Variants in KIF18B observed in about 807,000 individuals in gnomAD.
KIF18B encodes the protein kinesin family member 18B.
Under a neutral mutation model 80.9 loss-of-function variants are expected in KIF18B, and 49 were observed. That is an observed-to-expected ratio of 0.61 (90% CI 0.48 to 0.77). The LOEUF (loss-of-function observed/expected upper bound fraction) is 0.77. KIF18B is among the 30% of genes least tolerant of loss of function. The pLI is 0.00. For synonymous variants in KIF18B, 439 were observed against 463.9 expected, an observed-to-expected ratio of 0.95 and a Z score of 0.69; for missense variants, 994 against 1,127.7, an observed-to-expected ratio of 0.88 and a Z score of 1.70.
chr17:44,926,487 G>C lies in KIF18B; in HGVS notation c.2379C>G (p.Ser793=), dbSNP rs1279077314. 6.3e-7 allele frequency: 1 copy of C among 1,587,148 alleles called. No individual in the cohort carries two copies. Among genetic ancestry groups the C allele is most frequent in the Middle Eastern group, 1.7e-4 (1 of 6,000 alleles). The part of the protein sequence containing the change: ...KKKRVASSSV[S]HGRSRIARLP... ...GGCGGGCGATGCGGCTGCGGCCATG[G>C]GAGACTGAGGAACTGAGGGAGGAAA... is the stretch of plus-strand genomic sequence containing the variant. Residue 793 remains serine (S), a synonymous_variant, in exon 15 of 16, where the codon TCC becomes TCG. Coordinates refer to ENST00000593135, the MANE Select transcript of KIF18B (RefSeq NM_001265577.2).
At chr17:44,937,406 G>C (rs550367907) in intron 1 of KIF18B, among the ~76,000 whole-genome samples, 1 of 152,114 alleles carries the variant, frequency 6.6e-6, no homozygotes, top group South Asian at 2.1e-4. Context: ...TTTTTGTTCA[G>C]ATATTTTTTA....
intron 1 of KIF18B, among the ~76,000 whole-genome samples, chr17:44,945,578 T>A (rs1016596176): frequency 6.6e-6 from 1 of 152,188 alleles, no homozygotes; most frequent in African/African-American, 2.4e-5. Context: ...ATTACAATTA[T>A]GATTTCCTAT....
chr17:44,938,984 C>T lies in KIF18B; in HGVS notation c.-14-2626G>A, dbSNP rs144026894. On this transcript the variant is annotated intron_variant, in intron 1 of 15. Coordinates refer to ENST00000593135, the MANE Select transcript of KIF18B (RefSeq NM_001265577.2). ...GCTTGAACCTGGGAGGTAGAGGTTG[C>T]GGTGAGCTGAGATCGTACCACTGCA... Among the ~76,000 whole-genome samples, 719 of 151,020 alleles carry T rather than the reference C, an allele frequency of 4.8e-3. 6 individuals carry two copies. The highest frequency in any genetic ancestry group is 0.017 in the African/African-American group (685 of 41,030).
In KIF18B at chr17:44,927,797, A is replaced by G. The variant is rs2052060017; in HGVS notation, c.2276+229T>C. Among the ~76,000 whole-genome samples the G allele has an allele frequency of 6.6e-6, 1 of 152,214 alleles. No homozygotes were observed. Among genetic ancestry groups the G allele is most frequent in the Non-Finnish European group, 1.5e-5 (1 of 68,024 alleles). ...TCATGAGCATGCTACAAACCAGCAC[A>G]GAGTGGGTGGCTTTGCAGCATGGAC... On this transcript the variant is annotated intron_variant, in intron 13 of 15. Transcript: ENST00000593135. The surrounding 1 kb of genome is among the most constrained non-coding windows in gnomAD (Gnocchi z 4.1).
rs978973054 is a variant in KIF18B, at chr17:44,927,603, G to A, written c.2276+423C>T. On this transcript the variant is annotated intron_variant, in intron 13 of 15. Coordinates refer to ENST00000593135, the MANE Select transcript of KIF18B (RefSeq NM_001265577.2). The surrounding 1 kb of genome is among the most constrained non-coding windows in gnomAD (Gnocchi z 4.1). ...CCTTTCCTGTTCCAGATGCTGGGCCGGAGGCCAAAATCTGGAGTAGAAGTG... is the reference window on the plus strand; with the variant it reads ...CCTTTCCTGTTCCAGATGCTGGGCCAGAGGCCAAAATCTGGAGTAGAAGTG... Among the ~76,000 whole-genome samples the A allele has an allele frequency of 2.0e-5, 3 of 152,240 alleles. No individual in the cohort carries two copies. The highest frequency in any genetic ancestry group is 7.2e-5 in the African/African-American group (3 of 41,474).
chr17:44,947,253 T>C (rs1320091556), intron 1 of KIF18B, among the ~76,000 whole-genome samples: 1 of 151,494 alleles, frequency 6.6e-6, no homozygotes, highest in Non-Finnish European at 1.5e-5. Context: ...CCCAGGCCTT[T>C]AGTTGTAGCG....
intron 1 of KIF18B, among the ~76,000 whole-genome samples, chr17:44,936,876 T>C (rs1391698524): frequency 3.3e-5 from 5 of 151,222 alleles, no homozygotes; most frequent in African/African-American, 1.2e-4. Flanking sequence ...ACTCCTGACC[T>C]CATGATTCGC....
At chr17:44,932,644 T>C (rs777484757) in intron 9 of KIF18B, 29 bp downstream of exon 9, 2 of 1,202,086 alleles carry the variant, frequency 1.7e-6, no homozygotes, top group South Asian at 2.4e-5. Flanking sequence ...AGCTGCAGGG[T>C]GGGGGCGGGA....
Position 44,934,225 on chromosome 17 carries a change from T to C in KIF18B, c.885+8A>G, listed in dbSNP as rs1490518442. The C allele has an allele frequency of 6.2e-7, 1 of 1,606,588 alleles. No homozygotes were observed. The highest frequency in any genetic ancestry group is 1.7e-5 in the Admixed American group (1 of 59,752). On this transcript the variant is annotated splice_region_variant and intron_variant, in intron 6 of 15. Transcript: ENST00000593135. The surrounding 1 kb of genome is among the most constrained non-coding windows in gnomAD (Gnocchi z 5.4). ...TCCTGGGGAGAATACTGGCCTGTGC[T>C]GCTTTACCTTTGCATCGGCCAAGGC...
Position 44,924,889 on chromosome 17 carries a change from C to CA in KIF18B, c.*1190dup, listed in dbSNP as rs2051993468. ...TTACACTGAACGTGTATCCTATGTA[C>CA]AATAGAGTTAAGCAATAAAGCTGTC... On this transcript the variant is annotated 3_prime_UTR_variant, in exon 16 of 16. Transcript: ENST00000593135. The CA allele has an allele frequency of 6.6e-6, 1 of 152,012 alleles. No individual in the cohort carries two copies. Among genetic ancestry groups the CA allele is most frequent in the African/African-American group, 2.4e-5 (1 of 41,350 alleles). 9.4% of individuals were successfully genotyped at this position (152,012 alleles called of 1,614,324 possible). A position where few individuals can be genotyped will look rare whatever the true frequency, so the allele number is the denominator to read the frequency against.
chr17:44,928,766 G>GCCTTGAAGACAGCA, intron 12 of KIF18B, 53 bp downstream of exon 12: 1 of 1,568,920 alleles, frequency 6.4e-7, no homozygotes, highest in Non-Finnish European at 8.7e-7. Context: ...CCCCAGTGGG[G>GCCTTGAAGACAGCA]CCTTGAAGAC....
chr17:44,934,294 GC>G lies in KIF18B; in HGVS notation c.823del (p.Ala275ProfsTer34). ...CGCCAGCAGAGAGCGGTTGATGTTGGCCCCCTCCCGCAGCCGCTCCCCCTTC... is the reference window on the plus strand; with the variant it reads ...CGCCAGCAGAGAGCGGTTGATGTTGGCCCCTCCCGCAGCCGCTCCCCCTTC... The part of the protein sequence containing the change: ...HAKGERLREG[A>X]NINRSLLALI... On this transcript the variant is annotated frameshift_variant, in exon 6 of 16. Coordinates refer to ENST00000593135, the MANE Select transcript of KIF18B (RefSeq NM_001265577.2). LOFTEE classifies it high-confidence loss of function. The surrounding 1 kb of genome is among the most constrained non-coding windows in gnomAD (Gnocchi z 5.4). The G allele has an allele frequency of 6.2e-7, 1 of 1,612,778 alleles. No individual in the cohort carries two copies. The highest frequency in any genetic ancestry group is 8.5e-7 in the Non-Finnish European group (1 of 1,179,620).
chr17:44,935,962 C>T, intron 2 of KIF18B, 70 bp downstream of exon 2: 1 of 1,428,744 alleles, frequency 7.0e-7, no homozygotes. Context: ...TGCCAGAAGA[C>T]ACATGAAACC....
Position 44,928,149 on chromosome 17 carries a change from C to T in KIF18B, c.2153G>A (p.Arg718Gln), listed in dbSNP as rs1387303565. ...GAGATCAAAGGTGGCATTGAGGTCT[C>T]GAGTGGGCAGAGCCAGCGGGGTGGA... Reference protein sequence around the residue: ...NCSTPLALPTRDLNATFDLSE... With the variant: ...NCSTPLALPTQDLNATFDLSE... The change falls in exon 13 of 16, where the codon CGA (arginine) becomes CAA (glutamine). Residue 718 changes from arginine to glutamine, a missense_variant. Arg to Gln is a conservative substitution (Grantham distance 43). Coordinates refer to ENST00000593135, the MANE Select transcript of KIF18B (RefSeq NM_001265577.2). 1.4e-5 allele frequency: 23 copies of T among 1,607,932 alleles called. No individual in the cohort carries two copies. Among genetic ancestry groups the T allele is most frequent in the African/African-American group, 9.4e-5 (7 of 74,602 alleles).
At chr17:44,932,429 C>A (rs736866) in intron 9 of KIF18B, 237,150 of 599,624 alleles carry the variant, frequency 0.4, 47,406 homozygotes, top group Non-Finnish European at 0.41. Flanking sequence ...ATGACACACA[C>A]CCCTAAGTTC....
Position 44,936,392 on chromosome 17 carries a change from C to A in KIF18B, c.-14-34G>T, listed in dbSNP as rs970949118. On this transcript the variant is annotated intron_variant, in intron 1 of 15. Coordinates refer to ENST00000593135, the MANE Select transcript of KIF18B (RefSeq NM_001265577.2). The stretch of plus-strand genomic sequence containing the variant: ...GACATGGTGGAGCTGAGGACCAATC[C>A]CACCCCAGGCCTGACCAGGTGCCCC... 18 of 1,545,074 alleles carry A rather than the reference C, an allele frequency of 1.2e-5. No homozygotes were observed. In the African/African-American group the frequency reaches 2.2e-4, roughly 19 times the overall value.
chr17:44,934,774 T>C lies in KIF18B; in HGVS notation c.576+57A>G. The C allele has an allele frequency of 7.2e-7, 1 of 1,390,388 alleles. No homozygotes were observed. Among genetic ancestry groups the C allele is most frequent in the South Asian group, 1.3e-5 (1 of 75,844 alleles). The allele number at this position is 1,390,388 out of a possible 1,614,324, so 86.1% of individuals were successfully genotyped here. A position where few individuals can be genotyped will look rare whatever the true frequency, so the allele number is the denominator to read the frequency against. The stretch of plus-strand genomic sequence containing the variant: ...CCCAGGGCATCCCCAAACAGTTTTG[T>C]GAGGGAACCCCAAGGACCCATGGGG... On this transcript the variant is annotated intron_variant, in intron 4 of 15. Transcript: ENST00000593135. This position sits in a 1 kb window ranked among gnomAD's most constrained non-coding sequence, Gnocchi z 5.4.
rs149181445 is a variant in KIF18B, at chr17:44,926,117, G to A, written c.2522C>T (p.Ala841Val). 9.7e-4 allele frequency: 1,568 copies of A among 1,613,862 alleles called. 7 individuals are homozygous for A. Among genetic ancestry groups the A allele is most frequent in the Middle Eastern group, 4.1e-3 (25 of 6,062 alleles). Residue 841 changes from alanine to valine, a missense_variant, in exon 16 of 16, where the codon GCA (alanine) becomes GTA (valine). By Grantham distance (64) the Ala-to-Val change is moderately conservative. Coordinates refer to ENST00000593135, the MANE Select transcript of KIF18B (RefSeq NM_001265577.2). ...NGKDLIRVGR[A>V]LSAGNGVTKV... ...GGTGACGCCGTTCCCTGCTGAGAGT[G>A]CTCTCCCCACCCTGATGAGGTCCTT...
chr17:44,937,793 G>A (rs1207653824), intron 1 of KIF18B, among the ~76,000 whole-genome samples: 1 of 152,046 alleles, frequency 6.6e-6, no homozygotes, highest in Non-Finnish European at 1.5e-5. Context: ...GAATAATAAT[G>A]ATGATAATGT....
Sources: allele counts gnomAD v4.1 joint callset (sites outside exome capture counted in the v4.1 genomes callset), GRCh38; gene constraint gnomAD v4.1.1; non-coding constraint Gnocchi (gnomAD v3.1); transcripts MANE v1.5; gene names NCBI Gene and HGNC (gene_info 2026-07-23, HGNC 2026-07-21).